CADM1: variants seen among roughly 807,000 people sequenced by gnomAD.
The protein encoded by CADM1 is TSLC-1.
In CADM1, 15 loss-of-function variants were observed where a neutral mutation model predicts 53.1. That is an observed-to-expected ratio of 0.28 (90% CI 0.19 to 0.44). The LOEUF is 0.44. Ranked by LOEUF, CADM1 falls within the 20% of genes least tolerant of loss-of-function variation. The pLI is 1.00. For missense variants in CADM1, 434 were observed against 611.3 expected (o/e 0.71, Z 3.06); for synonymous variants, 281 against 243.0 (o/e 1.16, Z -1.45).
rs976566612 is a variant in CADM1 at position 115,253,635 on chromosome 11, A to G, written c.125-13215T>C. 3.9e-5 allele frequency among the ~76,000 whole-genome samples: 6 copies of G among 152,312 alleles called. No individual in the cohort carries two copies. The East Asian group carries it at 1.2e-3, about 29-fold the overall frequency. On this transcript the variant is annotated intron_variant, in intron 1 of 11. Transcript: ENST00000331581. ...ATGTAATTGATGACTGACAGTAGTT[A>G]CTGACATAATTTCTTAATTTATTGC...
intron 1 of CADM1, among the ~76,000 whole-genome samples, chr11:115,354,433 T>G (rs879375004): frequency 1.3e-5 from 2 of 152,132 alleles, no homozygotes; most frequent in Non-Finnish European, 2.9e-5. Context: ...ACCCTGATAT[T>G]CTTAAGACCT....
chr11:115,356,067 G>T (rs1231884955), intron 1 of CADM1, among the ~76,000 whole-genome samples: 2 of 152,018 alleles, frequency 1.3e-5, no homozygotes, highest in Non-Finnish European at 1.5e-5. Context: ...TCCTGACCTT[G>T]TGATCCACCC....
In CADM1 at chr11:115,209,665, G is replaced by T. The variant is rs1252242407; in HGVS notation, c.995-8C>A. On this transcript the variant is annotated splice_region_variant and splice_polypyrimidine_tract_variant and intron_variant, in intron 7 of 11. Transcript: ENST00000331581. The stretch of plus-strand genomic sequence containing the variant: ...GGATAGTTGTGGGGGGATCTGGATA[G>T]AAAAAAAAAGGAAAATCAAACCCAC... 6.3e-7 allele frequency: 1 copy of T among 1,598,086 alleles called. No homozygotes were observed. The highest frequency in any genetic ancestry group is 2.2e-5 in the East Asian group (1 of 44,446).
chr11:115,403,817 G>A (rs904192734), intron 1 of CADM1, among the ~76,000 whole-genome samples: 9 of 149,330 alleles, frequency 6.0e-5, no homozygotes, highest in Non-Finnish European at 1.2e-4. Flanking sequence ...GGCTGGTCTC[G>A]AACTCCTGAC....
At chr11:115,180,248 A>C (rs1488391734) in intron 10 of CADM1, among the ~76,000 whole-genome samples, 1 of 152,194 alleles carries the variant, frequency 6.6e-6, no homozygotes, top group Non-Finnish European at 1.5e-5. Context: ...GTTCCATGAA[A>C]AGTGCTTTAA....
intron 1 of CADM1, among the ~76,000 whole-genome samples, chr11:115,243,508 A>G (rs1942311690): frequency 6.6e-6 from 1 of 152,246 alleles, no homozygotes; most frequent in Non-Finnish European, 1.5e-5. Context: ...TTAAGGCACC[A>G]TAAGATGGCT....
chr11:115,217,551 AG>A (rs1338346762), intron 6 of CADM1, among the ~76,000 whole-genome samples: 1 of 152,200 alleles, frequency 6.6e-6, no homozygotes, highest in Admixed American at 6.5e-5. Context: ...TTAACACAAA[AG>A]GTGGCAGATA....
chr11:115,435,201 T>C (rs1948156379), intron 1 of CADM1, among the ~76,000 whole-genome samples: 1 of 151,988 alleles, frequency 6.6e-6, no homozygotes, highest in Non-Finnish European at 1.5e-5. Flanking sequence ...CTCACACAGT[T>C]ACTACCAAAT....
At position 115,441,147 on chromosome 11, in the gene CADM1, T is replaced by C. The variant is rs183898338; in HGVS notation, c.124+63124A>G. 2.3e-4 allele frequency among the ~76,000 whole-genome samples: 35 copies of C among 151,858 alleles called. 1 individual carries two copies. The East Asian group carries it at 6.2e-3, about 27-fold the overall frequency. On this transcript the variant is annotated intron_variant, in intron 1 of 11. Transcript: ENST00000331581. The stretch of plus-strand genomic sequence containing the variant: ...GGAAAAAAAAAAAAAGTAAAACTAA[T>C]GACGAGGGCCAAAGGAGTGAAGTCC...
chr11:115,235,989 A>T (rs926174769), intron 3 of CADM1, among the ~76,000 whole-genome samples: 1 of 152,224 alleles, frequency 6.6e-6, no homozygotes, highest in African/African-American at 2.4e-5. Context: ...ATCATAGGAG[A>T]GTCTTCAGAT....
chr11:115,240,226 A>G, intron 2 of CADM1, 48 bp downstream of exon 2: 1 of 1,589,384 alleles, frequency 6.3e-7, no homozygotes, highest in Non-Finnish European at 8.6e-7. Flanking sequence ...TCAAGACAAC[A>G]TGTAGGTAAA....
chr11:115,176,252 T>TAAAA lies in CADM1; in HGVS notation c.*221_*222insTTTT, dbSNP rs1939021640. On this transcript the variant is annotated 3_prime_UTR_variant, in exon 12 of 12. Coordinates refer to ENST00000331581, the MANE Select transcript of CADM1 (RefSeq NM_001301043.2). ...TGACTTGGTAGGAAGAAATAAAAAT[T>TAAAA]AAACAAACAAACAAACGAAAAAAGA... 7.7e-7 allele frequency: 1 copy of TAAAA among 1,305,440 alleles called. No homozygotes were observed. The highest frequency in any genetic ancestry group is 1.5e-5 in the African/African-American group (1 of 66,270). 80.9% of individuals were successfully genotyped at this position (1,305,440 alleles called of 1,614,324 possible).
At chr11:115,425,269 A>G (rs1947861827) in intron 1 of CADM1, among the ~76,000 whole-genome samples, 1 of 152,224 alleles carries the variant, frequency 6.6e-6, no homozygotes, top group Non-Finnish European at 1.5e-5. Flanking sequence ...GTGCTTAAGG[A>G]GGCTGCGAGT....
At chr11:115,391,745 A>G (rs565810859) in intron 1 of CADM1, among the ~76,000 whole-genome samples, 1 of 152,322 alleles carries the variant, frequency 6.6e-6, no homozygotes, top group Admixed American at 6.5e-5. Flanking sequence ...TCTTACAGCT[A>G]TGCACATTCT....
At chr11:115,339,743 G>A (rs1207811930) in intron 1 of CADM1, among the ~76,000 whole-genome samples, 1 of 151,974 alleles carries the variant, frequency 6.6e-6, no homozygotes, top group Non-Finnish European at 1.5e-5. Context: ...TACAAATTGG[G>A]CAACTTTCAG....
At chr11:115,438,368 ATGCTGACATCTACCTTG>A (rs1948230263) in intron 1 of CADM1, among the ~76,000 whole-genome samples, 1 of 152,138 alleles carries the variant, frequency 6.6e-6, no homozygotes, top group Non-Finnish European at 1.5e-5. Context: ...CAGCAGTATA[ATGCTGACATCTACCTTG>A]TGCGCACACT....
intron 1 of CADM1, among the ~76,000 whole-genome samples, chr11:115,442,064 G>A (rs1948326737): frequency 6.6e-6 from 1 of 151,718 alleles, no homozygotes; most frequent in Non-Finnish European, 1.5e-5. Context: ...ATGTAATATG[G>A]TATATAAAAA....
chr11:115,193,749 T>C (rs141667552), intron 9 of CADM1: 126 of 152,114 alleles, frequency 8.3e-4, no homozygotes, highest in African/African-American at 2.8e-3. Flanking sequence ...AATGATCGAA[T>C]AAAACCTCCA....
At chr11:115,407,877 A>T (rs1947357973) in intron 1 of CADM1, among the ~76,000 whole-genome samples, 3 of 76,852 alleles carry the variant, frequency 3.9e-5, no homozygotes, top group Non-Finnish European at 7.1e-5. Context: ...GTCATTTAAA[A>T]AAAAAAAAAA....
Sources: allele counts gnomAD v4.1 joint callset (sites outside exome capture counted in the v4.1 genomes callset), GRCh38; gene constraint gnomAD v4.1.1; transcripts MANE v1.5; gene names NCBI Gene and HGNC (gene_info 2026-07-23, HGNC 2026-07-21).